Variants in TMC6 observed in about 807,000 individuals in gnomAD.
The protein encoded by TMC6 is transmembrane channel like 6.
In TMC6, 71 loss-of-function variants were observed where a neutral mutation model predicts 95.4. That is an observed-to-expected ratio of 0.74 (90% CI 0.61 to 0.91). TMC6 has a LOEUF of 0.91. TMC6 is among the 40% of genes least tolerant of loss of function. The pLI, the probability that TMC6 is intolerant of heterozygous loss-of-function variation, is 0.00. For synonymous variants in TMC6, 514 were observed against 483.1 expected, an observed-to-expected ratio of 1.06 and a Z score of -0.84; for missense variants, 1,074 against 1,079.1, an observed-to-expected ratio of 1.00 and a Z score of 0.07.
rs1296550386 is a variant in TMC6 at position 78,122,461 on chromosome 17, A to G, written c.1227+144T>C. 4.0e-6 allele frequency: 5 copies of G among 1,255,498 alleles called. No individual in the cohort carries two copies. The highest frequency in any genetic ancestry group is 5.4e-6 in the Non-Finnish European group (5 of 917,734). The allele number at this position is 1,255,498 out of a possible 1,614,324, so 77.8% of individuals were successfully genotyped here. On this transcript the variant is annotated intron_variant, in intron 10 of 19. Transcript: ENST00000590602. The surrounding 1 kb of genome is among the most constrained non-coding windows in gnomAD (Gnocchi z 4.9). Reference sequence around the variant, plus strand: ...TGCCCGTCACTGCAAGCAGAAGACCACGCCTGCCCAGCGCCCCGAGTTCAG... The same window carrying G: ...TGCCCGTCACTGCAAGCAGAAGACCGCGCCTGCCCAGCGCCCCGAGTTCAG...
chr17:78,124,944 G>A lies in TMC6; in HGVS notation c.578C>T (p.Pro193Leu), dbSNP rs758512733. The change falls in exon 7 of 20, where the codon CCG (proline) becomes CTG (leucine). Residue 193 changes from proline (P) to leucine (L), a missense_variant. Pro to Leu is a moderately conservative substitution (Grantham distance 98). Coordinates refer to ENST00000590602, the MANE Select transcript of TMC6 (RefSeq NM_001127198.5). ...RTPRGKWRGQ[P>L]GSGGVCSCCG... ...GCAGGAGCAGACCCCGCCGCTGCCCGGCTGGCCCCTCCACTTCCCCCTCGG... is the reference window on the plus strand; with the variant it reads ...GCAGGAGCAGACCCCGCCGCTGCCCAGCTGGCCCCTCCACTTCCCCCTCGG... 3.2e-5 allele frequency: 52 copies of A among 1,600,572 alleles called. No homozygotes were observed. The highest frequency in any genetic ancestry group is 9.0e-5 in the East Asian group (4 of 44,534).
intron 18 of TMC6, among the ~76,000 whole-genome samples, chr17:78,116,880 CAA>C (rs993976963): frequency 1.4e-5 from 2 of 147,434 alleles, no homozygotes; most frequent in Non-Finnish European, 3.0e-5. Flanking sequence ...ACTCCGTCTC[CAA>C]AAAAAAAAGT....
In TMC6 at chr17:78,113,092, G is replaced by T; in HGVS notation, c.*56C>A. 1 of 1,539,526 alleles carries T rather than the reference G, an allele frequency of 6.5e-7. No individual in the cohort carries two copies. The highest frequency in any genetic ancestry group is 8.8e-7 in the Non-Finnish European group (1 of 1,137,160). On this transcript the variant is annotated 3_prime_UTR_variant, in exon 20 of 20. Coordinates refer to ENST00000590602, the MANE Select transcript of TMC6 (RefSeq NM_001127198.5). ...TGGTGTCCCAGCAGGGTCACTGGGA[G>T]GCAACAGTGTGGTCTCAGGGTGCTG...
rs772713292 is a variant in TMC6, at chr17:78,117,493, CAAAG to C, written c.2169_2172del (p.Phe723LeufsTer12). ...AGCAGCAGGGCTGACACCAGGAAGA[CAAAG>C]AAGGTGTTTTCCATCAGGTACCGGT... is the stretch of plus-strand genomic sequence containing the variant. On this transcript the variant is annotated frameshift_variant, in exon 17 of 20. Coordinates refer to ENST00000590602, the MANE Select transcript of TMC6 (RefSeq NM_001127198.5). LOFTEE classifies it high-confidence loss of function. 4 of 1,609,424 alleles carry C rather than the reference CAAAG, an allele frequency of 2.5e-6. No homozygotes were observed. The highest frequency in any genetic ancestry group is 3.4e-6 in the Non-Finnish European group (4 of 1,178,988).
rs1461977636 is a variant in TMC6 at position 78,119,019 on chromosome 17, G to C, written c.1839C>G (p.Leu613=). Residue 613 remains leucine (L), a synonymous_variant, in exon 15 of 20, where the codon CTC becomes CTG. Transcript: ENST00000590602. ...GCAGCTTGATGATCTGCACGGCGGG[G>C]AGGAGGGGCGAGAAGAGCACCCCCA... is the stretch of plus-strand genomic sequence containing the variant. ...TWLGVLFSPL[L]PAVQIIKLLL... 6.2e-7 allele frequency: 1 copy of C among 1,602,364 alleles called. No individual in the cohort carries two copies. The highest frequency in any genetic ancestry group is 8.5e-7 in the Non-Finnish European group (1 of 1,174,954).
chr17:78,122,673 A>G lies in TMC6; in HGVS notation c.1159T>C (p.Trp387Arg), dbSNP rs142057980. ...CGCTTCTGCGTCACCTTGTAGTCCC[A>G]GGAGCAGAAGACGGTGATGGCGTGG... The part of the protein sequence containing the change: ...GIHAITVFCS[W>R]DYKVTQKRAS... Residue 387 changes from tryptophan to arginine, a missense_variant, in exon 10 of 20, where the codon TGG becomes CGG. Transcript: ENST00000590602. The surrounding 1 kb of genome is among the most constrained non-coding windows in gnomAD (Gnocchi z 4.9). 56 of 1,612,152 alleles carry G rather than the reference A, an allele frequency of 3.5e-5. No individual in the cohort carries two copies. The South Asian group carries it at 5.9e-4, about 17-fold the overall frequency.
upstream of TMC6, chr17:78,130,831 A>G (rs1169900741): frequency 6.5e-6 from 1 of 152,792 alleles, no homozygotes; most frequent in African/African-American, 2.4e-5. Context: ...TCCTCCAGGG[A>G]CTTGGTCCCT....
At chr17:78,125,399 C>T (rs2074656065) in intron 5 of TMC6, 136 bp from the exon 6 acceptor site, 4 of 840,108 alleles carry the variant, frequency 4.8e-6, no homozygotes, top group Middle Eastern at 2.6e-4. Context: ...GAGCTTCAGT[C>T]GCCAATCAGC....
At chr17:78,132,134 C>T, upstream of TMC6, 1 of 1,511,482 alleles carries the variant, frequency 6.6e-7, no homozygotes, top group Non-Finnish European at 8.9e-7. Context: ...CACCCGGGTC[C>T]CCCGACCAAT....
At position 78,109,683 on chromosome 17, in the gene TMC6, G is replaced by A. The variant is rs764678527; in HGVS notation, c.*3465C>T. 2.8e-5 allele frequency: 11 copies of A among 395,564 alleles called. No individual in the cohort carries two copies. Among genetic ancestry groups the A allele is most frequent in the South Asian group, 2.0e-4 (11 of 54,106 alleles). 24.5% of individuals were successfully genotyped at this position (395,564 alleles called of 1,614,324 possible). A position where few individuals can be genotyped will look rare whatever the true frequency, so the allele number is the denominator to read the frequency against. ...CCCAAGCCCACGGGCGTGAGTGCATGCATGCGTTTGTGACAGCCTGGTGCT... is the reference window on the plus strand; with the variant it reads ...CCCAAGCCCACGGGCGTGAGTGCATACATGCGTTTGTGACAGCCTGGTGCT... On this transcript the variant is annotated 3_prime_UTR_variant, in exon 20 of 20. Transcript: ENST00000590602.
Position 78,122,202 on chromosome 17 carries a change from G to A in TMC6, c.1227+403C>T, listed in dbSNP as rs1598855887. ...GCCCCGCAACCTCTACGAGGGCCTC[G>A]GCCTCTATGCCTCAGTCTCCTCTCT... On this transcript the variant is annotated intron_variant, in intron 10 of 19. Coordinates refer to ENST00000590602, the MANE Select transcript of TMC6 (RefSeq NM_001127198.5). The surrounding 1 kb of genome is among the most constrained non-coding windows in gnomAD (Gnocchi z 4.9). 1.3e-5 allele frequency among the ~76,000 whole-genome samples: 2 copies of A among 152,044 alleles called. No individual in the cohort carries two copies. The highest frequency in any genetic ancestry group is 6.5e-5 in the Admixed American group (1 of 15,270).
rs369139513 is a variant in TMC6 at position 78,124,355 on chromosome 17, A to C, written c.891+169T>G. ...CCAGCCCCATGGGAACCCCAGCACG[A>C]TGAGCATCCAGGGTCATTGAGGGGG... On this transcript the variant is annotated intron_variant, in intron 8 of 19. Transcript: ENST00000590602. The C allele has an allele frequency of 1.3e-5, 17 of 1,337,246 alleles. No homozygotes were observed. In the East Asian group the frequency reaches 1.7e-4, roughly 13 times the overall value. The allele number at this position is 1,337,246 out of a possible 1,614,324, so 82.8% of individuals were successfully genotyped here.
rs760448709 is a variant in TMC6, at chr17:78,109,462, G to C, written c.*3686C>G. 2 of 456,590 alleles carry C rather than the reference G, an allele frequency of 4.4e-6. No individual in the cohort carries two copies. The highest frequency in any genetic ancestry group is 2.3e-5 in the Admixed American group (1 of 42,554). The allele number at this position is 456,590 out of a possible 1,614,324, so 28.3% of individuals were successfully genotyped here. A position where few individuals can be genotyped will look rare whatever the true frequency, so the allele number is the denominator to read the frequency against. On this transcript the variant is annotated 3_prime_UTR_variant, in exon 20 of 20. Coordinates refer to ENST00000590602, the MANE Select transcript of TMC6 (RefSeq NM_001127198.5). Reference sequence around the variant, plus strand: ...GGCTCCTGGTGCAGGACTGGCCCCTGAACAGCACAAGTGTAGTATGCCTGG... The same window carrying C: ...GGCTCCTGGTGCAGGACTGGCCCCTCAACAGCACAAGTGTAGTATGCCTGG...
chr17:78,119,237 G>C (rs1442668579), intron 14 of TMC6, 60 bp downstream of exon 14: 12 of 1,589,934 alleles, frequency 7.5e-6, no homozygotes, highest in Non-Finnish European at 1.0e-5. Flanking sequence ...CAGGACCCCC[G>C]GGGGGAAAGG....
At chr17:78,119,723 C>T (rs2074314860) in intron 13 of TMC6, 1 of 414,482 alleles carries the variant, frequency 2.4e-6, no homozygotes, top group Non-Finnish European at 4.6e-6. Flanking sequence ...CAGCCTTGAC[C>T]TCCTGGGATC....
chr17:78,112,370 C>T lies in TMC6; in HGVS notation c.*778G>A. ...CGGGCTGGTCCCCGAATCCCTGTGC[C>T]CACCCCCCACAGCCTACGGTTTTCG... is the stretch of plus-strand genomic sequence containing the variant. On this transcript the variant is annotated 3_prime_UTR_variant, in exon 20 of 20. Coordinates refer to ENST00000590602, the MANE Select transcript of TMC6 (RefSeq NM_001127198.5). 5.1e-6 allele frequency: 1 copy of T among 194,524 alleles called. No homozygotes were observed. Among genetic ancestry groups the T allele is most frequent in the Non-Finnish European group, 1.1e-5 (1 of 91,966 alleles). The allele number at this position is 194,524 out of a possible 1,614,324, so 12.0% of individuals were successfully genotyped here.
At position 78,121,173 on chromosome 17, in the gene TMC6, G is replaced by A. The variant is rs1224027213; in HGVS notation, c.1384-9C>T. Reference sequence around the variant, plus strand: ...CCAGCAGCCTCTGGACTCTGCAGGGGTGCAGGGAGCGGTGTCATGGAAGCC... The same window carrying A: ...CCAGCAGCCTCTGGACTCTGCAGGGATGCAGGGAGCGGTGTCATGGAAGCC... On this transcript the variant is annotated splice_polypyrimidine_tract_variant and intron_variant, in intron 11 of 19. Coordinates refer to ENST00000590602, the MANE Select transcript of TMC6 (RefSeq NM_001127198.5). The surrounding 1 kb of genome is among the most constrained non-coding windows in gnomAD (Gnocchi z 5.6). 1 of 1,579,226 alleles carries A rather than the reference G, an allele frequency of 6.3e-7. No individual in the cohort carries two copies. Among genetic ancestry groups the A allele is most frequent in the Non-Finnish European group, 8.6e-7 (1 of 1,163,404 alleles).
chr17:78,126,728 TG>T (rs767473285), intron 2 of TMC6, 48 bp downstream of exon 2: 1 of 1,611,832 alleles, frequency 6.2e-7, no homozygotes, highest in South Asian at 1.1e-5. Flanking sequence ...GACCTCTCCG[TG>T]GGGGGTGGAA....
At position 78,112,981 on chromosome 17, in the gene TMC6, G is replaced by C; in HGVS notation, c.*167C>G. ...CCCAGGCAGGGCAGAGTTCATTGGG[G>C]ATGCCCAAGCCGGATTCACCCACCC... On this transcript the variant is annotated 3_prime_UTR_variant, in exon 20 of 20. Transcript: ENST00000590602. 1 of 721,848 alleles carries C rather than the reference G, an allele frequency of 1.4e-6. No homozygotes were observed. The highest frequency in any genetic ancestry group is 2.4e-6 in the Non-Finnish European group (1 of 424,646). 44.7% of individuals were successfully genotyped at this position (721,848 alleles called of 1,614,324 possible).
Sources: allele counts gnomAD v4.1 joint callset (sites outside exome capture counted in the v4.1 genomes callset), GRCh38; gene constraint gnomAD v4.1.1; non-coding constraint Gnocchi (gnomAD v3.1); transcripts MANE v1.5; gene names NCBI Gene and HGNC (gene_info 2026-07-23, HGNC 2026-07-21).